Variants in ANO2 observed in about 807,000 individuals in gnomAD.
The protein encoded by ANO2 is anoctamin-2.
ANO2 carries 101 observed loss-of-function variants against 124.2 expected under a neutral mutation model. The ratio of observed to expected loss-of-function variants is 0.81; its 90% CI spans 0.69 to 0.96. ANO2 has a LOEUF of 0.96. Ranked by LOEUF, ANO2 falls within the 40% of genes least tolerant of loss-of-function variation. The pLI, the probability that ANO2 is intolerant of heterozygous loss-of-function variation, is 0.00. For synonymous variants in ANO2, 486 were observed against 482.5 expected (o/e 1.01, Z -0.09); for missense variants, 1,293 against 1,274.5 (o/e 1.01, Z -0.22).
chr12:5,935,540 A>T (rs1942610987), intron 1 of ANO2, among the ~76,000 whole-genome samples: 1 of 152,146 alleles, frequency 6.6e-6, no homozygotes, highest in African/African-American at 2.4e-5. Context: ...CTTATTCAAA[A>T]CCAGGATATG....
chr12:5,835,803 G>C (rs1954295035), intron 4 of ANO2, among the ~76,000 whole-genome samples: 2 of 152,176 alleles, frequency 1.3e-5, no homozygotes, highest in South Asian at 4.1e-4. Context: ...ACACACATTA[G>C]TCACTGCAAT....
intron 15 of ANO2, among the ~76,000 whole-genome samples, chr12:5,643,343 T>C (rs1455077416): frequency 6.6e-6 from 1 of 152,268 alleles, no homozygotes. Flanking sequence ...TTCTTTCATC[T>C]TGTTTTTTTC....
At chr12:5,716,408 C>T (rs974177898) in intron 14 of ANO2, among the ~76,000 whole-genome samples, 1 of 152,168 alleles carries the variant, frequency 6.6e-6, no homozygotes, top group African/African-American at 2.4e-5. Context: ...CACGCTGTTT[C>T]ATGACTCACT....
At chr12:5,818,470 T>C (rs1371986601) in intron 7 of ANO2, among the ~76,000 whole-genome samples, 3 of 82,858 alleles carry the variant, frequency 3.6e-5, no homozygotes, top group Non-Finnish European at 6.4e-5. Context: ...TATATATATA[T>C]ATATATATAT....
intron 20 of ANO2, 84 bp downstream of exon 20, chr12:5,599,400 C>A: frequency 6.8e-7 from 1 of 1,472,394 alleles, no homozygotes; most frequent in East Asian, 2.4e-5. Flanking sequence ...GTCATTTTCC[C>A]CAATCCCCTA....
intron 7 of ANO2, among the ~76,000 whole-genome samples, chr12:5,824,800 T>A (rs1313731675): frequency 1.3e-5 from 2 of 151,998 alleles, no homozygotes; most frequent in African/African-American, 4.8e-5. Context: ...GGACTTACAG[T>A]TACACATGGC....
At chr12:5,853,335 C>G (rs1289541025) in intron 4 of ANO2, among the ~76,000 whole-genome samples, 1 of 145,176 alleles carries the variant, frequency 6.9e-6, no homozygotes, top group Non-Finnish European at 1.5e-5. Flanking sequence ...TATAGACTAT[C>G]CTGGATTAAA....
chr12:5,829,122 G>A (rs1386187789), intron 6 of ANO2, among the ~76,000 whole-genome samples: 2 of 152,130 alleles, frequency 1.3e-5, no homozygotes, highest in African/African-American at 2.4e-5. Flanking sequence ...TAACTACGGG[G>A]CCCAAGAGTG....
At chr12:5,796,311 A>G (rs1355048788) in intron 10 of ANO2, among the ~76,000 whole-genome samples, 1 of 147,290 alleles carries the variant, frequency 6.8e-6, no homozygotes, top group African/African-American at 2.5e-5. Context: ...ATACACATAC[A>G]CTCCCTGCTC....
In ANO2 at chr12:5,693,426, C is replaced by T. The variant is rs1023310399; in HGVS notation, c.1545+39094G>A. On this transcript the variant is annotated intron_variant, in intron 14 of 24. Coordinates refer to ENST00000682330, the MANE Select transcript of ANO2 (RefSeq NM_001364791.2). ...GCACCTGAACCTGTCTCACCATCTC[C>T]GTGGCTCCTACCCTAGTTTGCGCCA... Among the ~76,000 whole-genome samples, 5 of 152,248 alleles carry T rather than the reference C, an allele frequency of 3.3e-5. No individual in the cohort carries two copies. The South Asian group carries it at 6.2e-4, about 19-fold the overall frequency.
intron 10 of ANO2, among the ~76,000 whole-genome samples, chr12:5,779,963 C>T (rs191149415): frequency 3.9e-5 from 6 of 152,110 alleles, no homozygotes; most frequent in East Asian, 3.9e-4. Context: ...AAAGTAAATG[C>T]TAAAACAGGA....
intron 4 of ANO2, among the ~76,000 whole-genome samples, chr12:5,839,092 G>A (rs76050263): frequency 6.6e-6 from 1 of 152,362 alleles, no homozygotes; most frequent in East Asian, 1.9e-4. Flanking sequence ...ATGAAAGGCA[G>A]TGATCCCTGA....
intron 10 of ANO2, among the ~76,000 whole-genome samples, chr12:5,755,952 T>C (rs185052717): frequency 2.8e-4 from 43 of 152,294 alleles, no homozygotes; most frequent in African/African-American, 9.6e-4. Context: ...TCTTCCTCTT[T>C]TTCTTTCTTT....
At chr12:5,564,510 GA>G (rs889982565) in intron 24 of ANO2, 1 of 152,358 alleles carries the variant, frequency 6.6e-6, no homozygotes, top group Non-Finnish European at 1.5e-5. Flanking sequence ...CTGAGACTGG[GA>G]CTGAGCCCTT....
chr12:5,830,453 A>C lies in ANO2; in HGVS notation c.822T>G (p.Asn274Lys). The C allele has an allele frequency of 6.2e-7, 1 of 1,613,032 alleles. No homozygotes were observed. The highest frequency in any genetic ancestry group is 8.5e-7 in the Non-Finnish European group (1 of 1,179,598). ...TACTTACAATGCGGCTGCGGGTGGC[A>C]TTATCAAAGAAGGTGTCCTTTTCCT... ...NIQEKDTFFD[N>K]ATRSRIVHEI... The change falls in exon 6 of 25, where the codon AAT becomes AAG. Residue 274 changes from asparagine to lysine, a missense_variant. Coordinates refer to ENST00000682330, the MANE Select transcript of ANO2 (RefSeq NM_001364791.2).
intron 20 of ANO2, among the ~76,000 whole-genome samples, chr12:5,597,508 G>C (rs1406749410): frequency 6.6e-6 from 1 of 152,126 alleles, no homozygotes; most frequent in Admixed American, 6.5e-5. Flanking sequence ...GAGCATTTAG[G>C]TGGAATGTAT....
intron 3 of ANO2, among the ~76,000 whole-genome samples, chr12:5,884,313 C>G (rs1938728122): frequency 6.6e-6 from 1 of 152,226 alleles, no homozygotes; most frequent in Non-Finnish European, 1.5e-5. Flanking sequence ...GAGGTGTCAT[C>G]CTTCTTCCTC....
Position 5,900,661 on chromosome 12 carries a change from T to C in ANO2, c.534+20379A>G, listed in dbSNP as rs2136280889. Among the ~76,000 whole-genome samples, 1 of 151,484 alleles carries C rather than the reference T, an allele frequency of 6.6e-6. No individual in the cohort carries two copies. Among genetic ancestry groups the C allele is most frequent in the African/African-American group, 2.4e-5 (1 of 41,322 alleles). On this transcript the variant is annotated intron_variant, in intron 3 of 24. Coordinates refer to ENST00000682330, the MANE Select transcript of ANO2 (RefSeq NM_001364791.2). This position sits in a 1 kb window ranked among gnomAD's most constrained non-coding sequence, Gnocchi z 4.2. ...ACCTCCGCATTTAACGTGTGGTCCCTGCCATCCTGGCACAGCCTGACCACA... is the reference window on the plus strand; with the variant it reads ...ACCTCCGCATTTAACGTGTGGTCCCCGCCATCCTGGCACAGCCTGACCACA...
intron 19 of ANO2, among the ~76,000 whole-genome samples, chr12:5,607,063 TA>T (rs60199743): frequency 0.45 from 65,995 of 145,306 alleles, 14,661 homozygotes; most frequent in East Asian, 0.6. Flanking sequence ...TGCCTCTATT[TA>T]AAAAAAAAAA....
Sources: allele counts gnomAD v4.1 joint callset (sites outside exome capture counted in the v4.1 genomes callset), GRCh38; gene constraint gnomAD v4.1.1; non-coding constraint Gnocchi (gnomAD v3.1); transcripts MANE v1.5; gene names NCBI Gene and HGNC (gene_info 2026-07-23, HGNC 2026-07-21).